The following CENPE variants were observed in gnomAD, a reference collection of about 807,000 sequenced individuals.
CENPE encodes the protein centromere-associated protein E.
Under a neutral mutation model 336.1 loss-of-function variants are expected in CENPE, and 145 were observed. The observed-to-expected ratio is 0.43, with a 90% CI of 0.38 to 0.50. The LOEUF (loss-of-function observed/expected upper bound fraction) is 0.50, where lower values mean the gene tolerates loss of function less well. Among genes scored for constraint, CENPE ranks in the 20% least tolerant of loss-of-function variants. CENPE has a pLI of 0.00. For synonymous variants in CENPE, 1,013 were observed against 984.8 expected, an observed-to-expected ratio of 1.03 and a Z score of -0.54; for missense variants, 2,719 against 3,023.3, an observed-to-expected ratio of 0.90 and a Z score of 2.36.
At chr4:103,148,802 GA>G in intron 28 of CENPE, 41 bp downstream of exon 28, 1 of 1,562,482 alleles carries the variant, frequency 6.4e-7, no homozygotes, top group Non-Finnish European at 8.7e-7. Context: ...AAGGAGAAAG[GA>G]AGGAAGAAGT....
chr4:103,131,806 C>G (rs2720458), intron 42 of CENPE, among the ~76,000 whole-genome samples: 53,574 of 151,854 alleles, frequency 0.35, 9,640 homozygotes, highest in Middle Eastern at 0.48. Context: ...AAGACATGGA[C>G]AAAACGTAAA....
intron 8 of CENPE, among the ~76,000 whole-genome samples, chr4:103,187,075 G>A (rs1026394263): frequency 1.3e-5 from 2 of 152,174 alleles, no homozygotes; most frequent in Non-Finnish European, 2.9e-5. Flanking sequence ...TATTCAATGA[G>A]AAGCCATTGC....
chr4:103,146,569 G>A (rs1322425896), intron 29 of CENPE, among the ~76,000 whole-genome samples: 2 of 152,186 alleles, frequency 1.3e-5, no homozygotes, highest in Non-Finnish European at 2.9e-5. Flanking sequence ...AGAGAGACCT[G>A]AGAATCTGAA....
At position 103,183,295 on chromosome 4, in the gene CENPE, T is replaced by A. The variant is rs369965464; in HGVS notation, c.746-7A>T. The A allele has an allele frequency of 4.4e-6, 7 of 1,605,120 alleles. No homozygotes were observed. The African/African-American group carries it at 8.1e-5, about 18-fold the overall frequency. On this transcript the variant is annotated splice_polypyrimidine_tract_variant and splice_region_variant and intron_variant, in intron 9 of 48. Transcript: ENST00000265148. ...CCTTCCTTGAGCCGCACACCTGAAT[T>A]TATTAAACAAATATGAAAACTAAAC...
chr4:103,123,629 T>G (rs575767383), intron 42 of CENPE, among the ~76,000 whole-genome samples: 1 of 152,308 alleles, frequency 6.6e-6, no homozygotes, highest in East Asian at 1.9e-4. Flanking sequence ...TTGTGCTGTT[T>G]TTGCTGTAGC....
chr4:103,166,028 G>A (rs1228019757), intron 16 of CENPE, among the ~76,000 whole-genome samples: 1 of 151,914 alleles, frequency 6.6e-6, no homozygotes, highest in African/African-American at 2.4e-5. Context: ...TCTCTGTGTT[G>A]ACTCAATTCA....
chr4:103,161,489 T>C (rs372245642), intron 18 of CENPE, 32 bp from the exon 19 acceptor site: 3 of 1,527,514 alleles, frequency 2.0e-6, no homozygotes, highest in Admixed American at 4.6e-5. Flanking sequence ...TTCACTGAAA[T>C]CTAATTTTCA....
At chr4:103,136,596 G>C (rs1752089152) in intron 39 of CENPE, among the ~76,000 whole-genome samples, 1 of 152,090 alleles carries the variant, frequency 6.6e-6, no homozygotes, top group Admixed American at 6.6e-5. Flanking sequence ...AGAAAGCCAG[G>C]ACCAACCATT....
intron 16 of CENPE, among the ~76,000 whole-genome samples, chr4:103,169,148 C>T (rs961414247): frequency 2.7e-5 from 4 of 149,112 alleles, no homozygotes; most frequent in African/African-American, 9.9e-5. Flanking sequence ...ATACAATGAA[C>T]AAAATGAAAA....
chr4:103,110,862 C>T lies in CENPE; in HGVS notation c.7690G>A (p.Glu2564Lys), dbSNP rs1560585400. Residue 2564 changes from glutamate to lysine, a missense_variant, in exon 47 of 49, where the codon GAA becomes AAA. Physicochemically the swap from Glu to Lys is moderately conservative, Grantham distance 56. Transcript: ENST00000265148. ...TCATTCTTTTGTTTTATTAGCTGTT[C>T]ATTTTGCTGCTTTAACTTAGAAATT... ...KEISKLKQQN[E>K]QLIKQKNELL... is the part of the protein sequence containing the mutation. 3 of 1,604,872 alleles carry T rather than the reference C, an allele frequency of 1.9e-6. No individual in the cohort carries two copies. Among genetic ancestry groups the T allele is most frequent in the South Asian group, 2.2e-5 (2 of 89,168 alleles).
rs1578586304 is a variant in CENPE at position 103,138,596 on chromosome 4, A to G, written c.6205-147T>C. The G allele has an allele frequency of 2.1e-5, 13 of 626,346 alleles. No homozygotes were observed. In the East Asian group the frequency reaches 3.5e-4, roughly 17 times the overall value. 38.8% of individuals were successfully genotyped at this position (626,346 alleles called of 1,614,324 possible). ...ACTCAAAAGCAATGTTAAAATGATC[A>G]GAAAATGAATAATAGTATCAGTAAG... On this transcript the variant is annotated intron_variant, in intron 38 of 48. Transcript: ENST00000265148.
chr4:103,148,917 C>T lies in CENPE; in HGVS notation c.3770G>A (p.Ser1257Asn), dbSNP rs764573484. ...HQETIDELRR[S>N]VSEKTAQIIN... ...TATTTGAGCTGTCTTCTCAGATACGCTTCTTCTTAGTTCATCAATAGTTTC... is the reference window on the plus strand; with the variant it reads ...TATTTGAGCTGTCTTCTCAGATACGTTTCTTCTTAGTTCATCAATAGTTTC... Residue 1257 changes from serine to asparagine, a missense_variant, in exon 28 of 49, where the codon AGC (serine) becomes AAC (asparagine). By Grantham distance (46) the Ser-to-Asn change is conservative (BLOSUM62 1). Coordinates refer to ENST00000265148, the MANE Select transcript of CENPE (RefSeq NM_001813.3). 2 of 1,613,316 alleles carry T rather than the reference C, an allele frequency of 1.2e-6. No individual in the cohort carries two copies. The highest frequency in any genetic ancestry group is 4.5e-5 in the East Asian group (2 of 44,836).
At position 103,162,550 on chromosome 4, in the gene CENPE, A is replaced by T. The variant is rs192539061; in HGVS notation, c.1842+587T>A. 2.6e-5 allele frequency among the ~76,000 whole-genome samples: 4 copies of T among 151,562 alleles called. No individual in the cohort carries two copies. In the Admixed American group the frequency reaches 2.6e-4, roughly 10 times the overall value. ...CATTTGTATAAAACTACTGAAAAAA[A>T]TTCGGAATTTTAAAATTTTACTGAT... On this transcript the variant is annotated intron_variant, in intron 18 of 48. Transcript: ENST00000265148.
chr4:103,130,957 A>C (rs1252701374), intron 42 of CENPE, among the ~76,000 whole-genome samples: 1 of 151,648 alleles, frequency 6.6e-6, no homozygotes, highest in Non-Finnish European at 1.5e-5. Flanking sequence ...AAATTAACTC[A>C]AGATGGATCA....
intron 47 of CENPE, among the ~76,000 whole-genome samples, chr4:103,110,204 C>T (rs1233319027): frequency 1.3e-5 from 2 of 152,136 alleles, no homozygotes; most frequent in East Asian, 3.8e-4. Context: ...AAGATAAGTG[C>T]AATAAAACGA....
At chr4:103,160,486 T>C (rs1754345459) in intron 21 of CENPE, 139 bp downstream of exon 21, 1 of 592,418 alleles carries the variant, frequency 1.7e-6, no homozygotes, top group Non-Finnish European at 2.8e-6. Context: ...TATTCATTTC[T>C]ATTTCTAACT....
At chr4:103,187,905 A>C (rs1469220200) in intron 8 of CENPE, among the ~76,000 whole-genome samples, 1 of 152,194 alleles carries the variant, frequency 6.6e-6, no homozygotes, top group Non-Finnish European at 1.5e-5. Context: ...AACCCATCTC[A>C]TGTGCAGAGA....
At chr4:103,181,213 A>G (rs957473321) in intron 12 of CENPE, 124 bp downstream of exon 12, 6 of 558,858 alleles carry the variant, frequency 1.1e-5, no homozygotes, top group Admixed American at 4.5e-5. Flanking sequence ...CTTCTTTAAA[A>G]GTGATTAAAA....
chr4:103,163,381 C>T, intron 17 of CENPE, 98 bp downstream of exon 17: 1 of 1,259,690 alleles, frequency 7.9e-7, no homozygotes, highest in Non-Finnish European at 1.1e-6. Flanking sequence ...ATTTTAAAAA[C>T]ATAATTCCCT....
Sources: allele counts gnomAD v4.1 joint callset (sites outside exome capture counted in the v4.1 genomes callset), GRCh38; gene constraint gnomAD v4.1.1; transcripts MANE v1.5; gene names NCBI Gene and HGNC (gene_info 2026-07-23, HGNC 2026-07-21).